Variants in ZHX3 observed in about 807,000 individuals in gnomAD.
ZHX3 encodes the protein zinc fingers and homeoboxes protein 3.
ZHX3 carries 20 observed loss-of-function variants against 64.5 expected under a neutral mutation model. The ratio of observed to expected loss-of-function variants is 0.31; its 90% CI spans 0.22 to 0.45. The LOEUF (loss-of-function observed/expected upper bound fraction) is 0.45, where lower values mean the gene tolerates loss of function less well. Among genes scored for constraint, ZHX3 ranks in the 20% least tolerant of loss-of-function variants. The pLI, the probability that ZHX3 is intolerant of heterozygous loss-of-function variation, is 1.00. For missense variants in ZHX3, 1,041 were observed against 1,195.8 expected (o/e 0.87, Z 1.91); for synonymous variants, 423 against 461.6 (o/e 0.92, Z 1.07).
At chr20:41,192,109 G>A (rs7262080) in intron 3 of ZHX3, among the ~76,000 whole-genome samples, 38,583 of 152,112 alleles carry the variant, frequency 0.25, 5,683 homozygotes, top group East Asian at 0.73. Flanking sequence ...TGGGTCCCAA[G>A]TGATATGTGC....
intron 2 of ZHX3, among the ~76,000 whole-genome samples, chr20:41,229,806 T>C (rs894201461): frequency 6.6e-6 from 1 of 152,234 alleles, no homozygotes; most frequent in Non-Finnish European, 1.5e-5. Context: ...TTCTAGATAT[T>C]ACCCCTTTAT....
At chr20:41,214,121 C>T (rs2039354813) in intron 2 of ZHX3, among the ~76,000 whole-genome samples, 1 of 152,036 alleles carries the variant, frequency 6.6e-6, no homozygotes, top group African/African-American at 2.4e-5. Context: ...AATTATCATT[C>T]GAATAAATGA....
chr20:41,280,654 T>G (rs1162204564), intron 1 of ZHX3, among the ~76,000 whole-genome samples: 1 of 152,156 alleles, frequency 6.6e-6, no homozygotes, highest in Admixed American at 6.5e-5. Context: ...TGACCTCAAG[T>G]GATCCAACCA....
intron 3 of ZHX3, among the ~76,000 whole-genome samples, chr20:41,199,065 T>C (rs1022961467): frequency 6.6e-6 from 1 of 152,184 alleles, no homozygotes; most frequent in African/African-American, 2.4e-5. Flanking sequence ...CTCTAGAATT[T>C]GTTTGGTTCC....
chr20:41,225,012 G>A (rs761586109), intron 2 of ZHX3, among the ~76,000 whole-genome samples: 25 of 152,284 alleles, frequency 1.6e-4, no homozygotes, highest in Non-Finnish European at 3.2e-4. Context: ...CACTGTTTCC[G>A]TAGCATATAG....
At chr20:41,285,332 C>G (rs1183569106) in intron 1 of ZHX3, among the ~76,000 whole-genome samples, 4 of 152,022 alleles carry the variant, frequency 2.6e-5, no homozygotes, top group African/African-American at 9.7e-5. Context: ...TCAATAGAAC[C>G]CTGAACTTTT....
At chr20:41,250,238 A>C (rs2041925281) in intron 2 of ZHX3, among the ~76,000 whole-genome samples, 1 of 152,220 alleles carries the variant, frequency 6.6e-6, no homozygotes, top group Non-Finnish European at 1.5e-5. Flanking sequence ...AGAGTACTGC[A>C]AAGGCTCTGA....
intron 1 of ZHX3, among the ~76,000 whole-genome samples, chr20:41,287,779 G>C (rs1017184166): frequency 1.3e-5 from 2 of 152,188 alleles, no homozygotes; most frequent in African/African-American, 4.8e-5. Flanking sequence ...AATCTCATGA[G>C]AGACTGTGAG....
intron 2 of ZHX3, among the ~76,000 whole-genome samples, chr20:41,227,148 G>A (rs889352002): frequency 1.3e-5 from 2 of 152,130 alleles, no homozygotes; most frequent in South Asian, 2.1e-4. Context: ...ATAAAGTTCT[G>A]TATTTTCCCA....
Position 41,204,656 on chromosome 20 carries a change from A to C in ZHX3, c.261T>G (p.His87Gln). The C allele has an allele frequency of 1.2e-6, 2 of 1,614,242 alleles. No homozygotes were observed. Among genetic ancestry groups the C allele is most frequent in the Non-Finnish European group, 1.7e-6 (2 of 1,180,038 alleles). The change falls in exon 3 of 4, where the codon CAT becomes CAG. Residue 87 changes from histidine (H) to glutamine (Q), a missense_variant. This residue lies in a region of ZHX3 where 358 missense variants were observed against 369.1 expected (regional missense o/e 0.97). Coordinates refer to ENST00000683867, the MANE Select transcript of ZHX3 (RefSeq NM_001384317.1). The surrounding 1 kb of genome is among the most constrained non-coding windows in gnomAD (Gnocchi z 6.6). ...TATGTCCCACAAATTGGGTCATGTC[A>C]TGGGATCTGAAATCGCAGTATTTAC... Reference protein sequence around the residue: ...YSCKYCDFRSHDMTQFVGHMN... With the variant: ...YSCKYCDFRSQDMTQFVGHMN...
chr20:41,204,104 G>A lies in ZHX3; in HGVS notation c.813C>T (p.Phe271=). Reference sequence around the variant, plus strand: ...CTGGGGGCTGCTGCTGGAGGGAGAGGAACTGTGCTATGCCAGCTGGCAAAA... The same window carrying A: ...CTGGGGGCTGCTGCTGGAGGGAGAGAAACTGTGCTATGCCAGCTGGCAAAA... ...VPVLPAGIAQ[F]LSLQQQPPVH... The change falls in exon 3 of 4, where the codon TTC becomes TTT. Residue 271 remains phenylalanine, a synonymous_variant. Coordinates refer to ENST00000683867, the MANE Select transcript of ZHX3 (RefSeq NM_001384317.1). This position sits in a 1 kb window ranked among gnomAD's most constrained non-coding sequence, Gnocchi z 6.6. The A allele has an allele frequency of 6.2e-7, 1 of 1,607,064 alleles. No homozygotes were observed. Among genetic ancestry groups the A allele is most frequent in the Non-Finnish European group, 8.5e-7 (1 of 1,176,136 alleles).
chr20:41,203,813 A>T lies in ZHX3; in HGVS notation c.1104T>A (p.Ile368=). 6.2e-7 allele frequency: 1 copy of T among 1,614,216 alleles called. No individual in the cohort carries two copies. The highest frequency in any genetic ancestry group is 1.1e-5 in the South Asian group (1 of 91,084). ...KQGISWSPEE[I]EDARKKMFNT... ...TGAACATCTTTTTCCGGGCATCCTC[A>T]ATCTCCTCAGGGGACCAGCTGATCC... Residue 368 remains isoleucine, a synonymous_variant, in exon 3 of 4, where the codon ATT becomes ATA. Coordinates refer to ENST00000683867, the MANE Select transcript of ZHX3 (RefSeq NM_001384317.1). This position sits in a 1 kb window ranked among gnomAD's most constrained non-coding sequence, Gnocchi z 7.1.
At chr20:41,269,923 T>C (rs1234709401) in intron 1 of ZHX3, among the ~76,000 whole-genome samples, 1 of 152,048 alleles carries the variant, frequency 6.6e-6, no homozygotes, top group Non-Finnish European at 1.5e-5. Context: ...GCTTAACTTC[T>C]TAACACCAGC....
chr20:41,308,123 C>T (rs1314890388), intron 1 of ZHX3, among the ~76,000 whole-genome samples: 2 of 152,190 alleles, frequency 1.3e-5, no homozygotes, highest in African/African-American at 2.4e-5. Flanking sequence ...TCACACTGAT[C>T]GGTTGAGTAT....
In ZHX3 at chr20:41,219,817, AG is replaced by A. The variant is rs1292779064; in HGVS notation, c.-150-14752del. 2.0e-5 allele frequency among the ~76,000 whole-genome samples: 3 copies of A among 152,240 alleles called. No homozygotes were observed. Among genetic ancestry groups the A allele is most frequent in the African/African-American group, 7.2e-5 (3 of 41,472 alleles). On this transcript the variant is annotated intron_variant, in intron 2 of 3. Coordinates refer to ENST00000683867, the MANE Select transcript of ZHX3 (RefSeq NM_001384317.1). The surrounding 1 kb of genome is among the most constrained non-coding windows in gnomAD (Gnocchi z 5.0). ...AAACGTGAACAAATGTGTCACCTCC[AG>A]GGGAAAAGTTTTATGAGAAAGTATA...
At chr20:41,303,793 C>T (rs1315943303) in intron 1 of ZHX3, among the ~76,000 whole-genome samples, 3 of 152,156 alleles carry the variant, frequency 2.0e-5, no homozygotes, top group Non-Finnish European at 4.4e-5. Flanking sequence ...CATGCTAGAG[C>T]CCCTCTCATC....
chr20:41,196,408 A>ATAATATAT (rs2037540639), intron 3 of ZHX3, among the ~76,000 whole-genome samples: 1 of 67,482 alleles, frequency 1.5e-5, no homozygotes, highest in Non-Finnish European at 2.4e-5. Context: ...TATATTATAT[A>ATAATATAT]TTATATATAA....
intron 2 of ZHX3, among the ~76,000 whole-genome samples, chr20:41,230,251 C>T (rs1352561387): frequency 6.6e-6 from 1 of 151,820 alleles, no homozygotes; most frequent in African/African-American, 2.4e-5. Flanking sequence ...TATTGGCTCT[C>T]ATTGTATTTC....
chr20:41,255,444 C>G (rs947226098), intron 2 of ZHX3, among the ~76,000 whole-genome samples: 2 of 152,190 alleles, frequency 1.3e-5, no homozygotes, highest in African/African-American at 4.8e-5. Flanking sequence ...AGCTACCACG[C>G]CCGGCAAAGG....
Sources: allele counts gnomAD v4.1 joint callset (sites outside exome capture counted in the v4.1 genomes callset), GRCh38; gene constraint gnomAD v4.1.1; regional missense constraint gnomAD v4.1.1; non-coding constraint Gnocchi (gnomAD v3.1); transcripts MANE v1.5; gene names NCBI Gene and HGNC (gene_info 2026-07-23, HGNC 2026-07-21).